ROBO2: variants seen among roughly 807,000 people sequenced by gnomAD.
ROBO2 encodes the protein roundabout homolog 2.
In ROBO2, 53 loss-of-function variants were observed where a neutral mutation model predicts 160.8. The ratio of observed to expected loss-of-function variants is 0.33; its 90% CI spans 0.26 to 0.41. The LOEUF (loss-of-function observed/expected upper bound fraction) is 0.41, where lower values mean the gene tolerates loss of function less well. ROBO2 is among the 10% of genes least tolerant of loss of function. The pLI is 1.00. For missense variants in ROBO2, 1,577 were observed against 1,722.4 expected, an observed-to-expected ratio of 0.92 and a Z score of 1.49; for synonymous variants, 664 against 611.7, an observed-to-expected ratio of 1.09 and a Z score of -1.26.
chr3:76,790,536 A>G (rs2063292508), intron 2 of ROBO2, among the ~76,000 whole-genome samples: 2 of 151,766 alleles, frequency 1.3e-5, no homozygotes, highest in Admixed American at 1.3e-4. Context: ...TAATACATCT[A>G]ACCTGCCAAA....
At chr3:77,102,286 A>AGT (rs147086668) in intron 2 of ROBO2, among the ~76,000 whole-genome samples, 37,772 of 151,464 alleles carry the variant, frequency 0.25, 5,119 homozygotes, top group East Asian at 0.53. Flanking sequence ...AAAATTATTT[A>AGT]GTGTGTGTGT....
At chr3:76,950,675 T>C (rs963780027) in intron 2 of ROBO2, among the ~76,000 whole-genome samples, 2 of 152,128 alleles carry the variant, frequency 1.3e-5, no homozygotes, top group African/African-American at 4.8e-5. Flanking sequence ...GACTACATCC[T>C]CCCTGGTTAT....
At chr3:76,617,938 C>G (rs983489254) in intron 2 of ROBO2, among the ~76,000 whole-genome samples, 3 of 151,508 alleles carry the variant, frequency 2.0e-5, no homozygotes, top group Non-Finnish European at 2.9e-5. Flanking sequence ...CTGGGTAACT[C>G]CCACAACATG....
At chr3:77,040,393 T>A (rs548211542) in exon 1 of ROBO2, 27 of 1,017,198 alleles carry the variant, frequency 2.7e-5, no homozygotes, top group Admixed American at 1.1e-4. Flanking sequence ...TGGAACACTT[T>A]CTAGGAATTA....
intron 23 of ROBO2, chr3:77,632,183 C>T (rs751189568): frequency 4.1e-5 from 9 of 219,254 alleles, no homozygotes; most frequent in Non-Finnish European, 8.0e-5. Context: ...AAATACACAT[C>T]GCAGCTCTCT....
At chr3:77,233,492 G>C (rs1218874254) in intron 2 of ROBO2, among the ~76,000 whole-genome samples, 2 of 152,212 alleles carry the variant, frequency 1.3e-5, no homozygotes, top group South Asian at 2.1e-4. Flanking sequence ...AGAAGAGAAG[G>C]CCTGCCCATC....
chr3:77,632,481 G>C, intron 23 of ROBO2: 5 of 1,530,820 alleles, frequency 3.3e-6, no homozygotes, highest in Non-Finnish European at 4.4e-6. Flanking sequence ...TAGGTTCAAT[G>C]GTAAATGGAT....
intron 2 of ROBO2, among the ~76,000 whole-genome samples, chr3:77,300,904 C>T (rs1269419260): frequency 1.3e-5 from 2 of 151,646 alleles, no homozygotes; most frequent in Admixed American, 6.6e-5. Flanking sequence ...CAGAGTCTCA[C>T]TCTGTCACCC....
At chr3:77,565,212 T>C in intron 12 of ROBO2, 92 bp downstream of exon 13, 1 of 1,378,038 alleles carries the variant, frequency 7.3e-7, no homozygotes, top group Non-Finnish European at 1.0e-6. Context: ...TACATGTGCC[T>C]GCATTGCTTT....
Position 76,501,915 on chromosome 3 carries a change from G to C in ROBO2, c.109+564313G>C, listed in dbSNP as rs80217925. Among the ~76,000 whole-genome samples, 1,171 of 152,162 alleles carry C rather than the reference G, an allele frequency of 7.7e-3. 10 individuals carry two copies. Among genetic ancestry groups the C allele is most frequent in the Middle Eastern group, 0.014 (4 of 294 alleles). On this transcript the variant is annotated intron_variant, in intron 2 of 26. Transcript: ENST00000487694. ...TCAAAAGGACACTGTTATTTTTATA[G>C]TTTCTGGAAGAGATTGATCAAAACT...
chr3:76,340,012 A>G (rs376373666), intron 2 of ROBO2, among the ~76,000 whole-genome samples: 46 of 151,974 alleles, frequency 3.0e-4, no homozygotes, highest in Non-Finnish European at 4.4e-4. Flanking sequence ...AATACCACCA[A>G]AATTCCCCTG....
At chr3:77,390,395 G>A (rs549118474) in intron 2 of ROBO2, among the ~76,000 whole-genome samples, 1 of 152,228 alleles carries the variant, frequency 6.6e-6, no homozygotes, top group African/African-American at 2.4e-5. Context: ...TGTCATGGGA[G>A]GCACCTAGCA....
intron 13 of ROBO2, among the ~76,000 whole-genome samples, chr3:77,569,934 T>C (rs1382343692): frequency 1.3e-5 from 2 of 151,966 alleles, no homozygotes; most frequent in South Asian, 4.1e-4. Context: ...TTTGCATAGA[T>C]TTATTCTATT....
At chr3:76,093,410 C>G (rs950756988) in intron 2 of ROBO2, among the ~76,000 whole-genome samples, 1 of 150,404 alleles carries the variant, frequency 6.6e-6, no homozygotes. Flanking sequence ...AAAATGCATA[C>G]GGCAAATCAA....
chr3:76,555,365 A>AGAG (rs2083662710), intron 2 of ROBO2, among the ~76,000 whole-genome samples: 19 of 39,126 alleles, frequency 4.9e-4, no homozygotes, highest in Non-Finnish European at 1.2e-3. Context: ...AGAGAGAAGA[A>AGAG]GAAGAAGAAG....
intron 2 of ROBO2, among the ~76,000 whole-genome samples, chr3:77,307,742 G>C (rs1319710283): frequency 5.9e-5 from 9 of 152,112 alleles, no homozygotes; most frequent in Non-Finnish European, 1.5e-5. Flanking sequence ...AATTAGCTGA[G>C]CATGGTGGCG....
At chr3:77,162,674 C>T (rs116529103) in intron 2 of ROBO2, among the ~76,000 whole-genome samples, 1,997 of 152,206 alleles carry the variant, frequency 0.013, 64 homozygotes, top group African/African-American at 0.045. Context: ...AATCAAATAA[C>T]GTATGCTTTA....
At chr3:76,216,903 G>A (rs1316447219) in intron 2 of ROBO2, among the ~76,000 whole-genome samples, 2 of 152,196 alleles carry the variant, frequency 1.3e-5, no homozygotes, top group East Asian at 3.9e-4. Flanking sequence ...TGACCACATA[G>A]TTGGAAGTAA....
intron 2 of ROBO2, among the ~76,000 whole-genome samples, chr3:77,414,291 C>T (rs2077035617): frequency 6.6e-6 from 1 of 152,092 alleles, no homozygotes; most frequent in African/African-American, 2.4e-5. Flanking sequence ...TTTATAAAAG[C>T]AATTTTCCTG....
Sources: gnomAD v4.1 joint callset for allele counts (sites outside exome capture counted in the v4.1 genomes callset) on GRCh38, gnomAD v4.1.1 for gene constraint, MANE v1.5 for transcripts, NCBI Gene and HGNC (gene_info 2026-07-23, HGNC 2026-07-21) for gene names.